SEC13: variants seen among roughly 807,000 people sequenced by gnomAD.
The protein encoded by SEC13 is protein SEC13 homolog.
A neutral mutation model predicts 49.2 loss-of-function variants in SEC13; 25 were observed. The observed-to-expected ratio is 0.51, with a 90% CI of 0.37 to 0.71. SEC13 has a LOEUF of 0.71. SEC13 is among the 30% of genes least tolerant of loss of function. The probability of loss-of-function intolerance (pLI) is 0.00; values close to 1 mark genes in which losing one functional copy is unlikely to be tolerated. For synonymous variants in SEC13, 148 were observed against 163.9 expected (o/e 0.90, Z 0.74); for missense variants, 383 against 417.6 (o/e 0.92, Z 0.72).
chr3:10,303,350 G>A (rs1305429948), intron 8 of SEC13, among the ~76,000 whole-genome samples: 2 of 152,364 alleles, frequency 1.3e-5, no homozygotes, highest in East Asian at 1.9e-4. Context: ...CTGTCTTATA[G>A]GGGAATTCAG....
rs757952125 is a variant in SEC13, at chr3:10,315,323, C to G, written c.162G>C (p.Arg54Ser). The G allele has an allele frequency of 1.9e-6, 3 of 1,612,148 alleles. No individual in the cohort carries two copies. The highest frequency in any genetic ancestry group is 2.5e-6 in the Non-Finnish European group (3 of 1,178,334). Residue 54 changes from arginine (R) to serine (S), a missense_variant and splice_region_variant, in exon 3 of 9, where the codon AGG becomes AGC. Arg to Ser is a moderately radical substitution (Grantham distance 110). Transcript: ENST00000350697. ...NGGQILIADL[R>S]GHEGPVWQVA... The stretch of plus-strand genomic sequence containing the variant: ...TCCCTGGGCTCGCCAGCACTTACCC[C>G]CTGAGGTCGGCGATAAGGATCTGCC...
chr3:10,311,048 C>A (rs901568512), intron 5 of SEC13, among the ~76,000 whole-genome samples: 2 of 151,926 alleles, frequency 1.3e-5, no homozygotes, highest in African/African-American at 4.8e-5. Context: ...AAAAACAACT[C>A]CCAGCGGGGG....
chr3:10,316,070 C>A (rs1324883388), intron 2 of SEC13, among the ~76,000 whole-genome samples: 1 of 152,208 alleles, frequency 6.6e-6, no homozygotes, highest in Non-Finnish European at 1.5e-5. Context: ...ACCCAAGGAA[C>A]ACAATGCCTT....
intron 3 of SEC13, chr3:10,313,017 A>G: frequency 2.6e-6 from 1 of 386,996 alleles, no homozygotes; most frequent in Non-Finnish European, 4.8e-6. Context: ...CCCAGACTGC[A>G]GCCAGCACTG....
chr3:10,313,011 G>C (rs187082828), intron 3 of SEC13: 81 of 396,646 alleles, frequency 2.0e-4, no homozygotes, highest in African/African-American at 1.6e-3. Flanking sequence ...CACTTGCCCA[G>C]ACTGCAGCCA....
At chr3:10,320,604 C>CT in intron 1 of SEC13, 6 of 994,882 alleles carry the variant, frequency 6.0e-6, no homozygotes, top group Non-Finnish European at 7.2e-6. Flanking sequence ...AATCTCGGCT[C>CT]TACTACCACT....
intron 1 of SEC13, among the ~76,000 whole-genome samples, chr3:10,319,795 A>AGAG (rs1309904220): frequency 7.7e-3 from 18 of 2,336 alleles, no homozygotes; most frequent in Non-Finnish European, 9.2e-3. Context: ...AGAGAGAGAG[A>AGAG]AGGCGGGGGG....
intron 1 of SEC13, among the ~76,000 whole-genome samples, chr3:10,318,847 T>C (rs2059710996): frequency 6.6e-6 from 1 of 152,228 alleles, no homozygotes; most frequent in Non-Finnish European, 1.5e-5. Flanking sequence ...GGCTGGACTC[T>C]CTTGCATATC....
intron 2 of SEC13, among the ~76,000 whole-genome samples, chr3:10,316,591 C>T (rs1422701363): frequency 6.6e-6 from 1 of 152,138 alleles, no homozygotes; most frequent in African/African-American, 2.4e-5. Flanking sequence ...TTTGAAAACA[C>T]TTCATCTCCT....
intron 7 of SEC13, among the ~76,000 whole-genome samples, chr3:10,304,681 T>TAG (rs762093307): frequency 2.0e-5 from 3 of 152,168 alleles, no homozygotes; most frequent in Non-Finnish European, 4.4e-5. Flanking sequence ...GGTGGCTTGG[T>TAG]AGCTAAGCGT....
intron 5 of SEC13, among the ~76,000 whole-genome samples, chr3:10,308,879 C>G (rs1701064198): frequency 6.8e-6 from 1 of 148,024 alleles, no homozygotes; most frequent in Admixed American, 6.7e-5. Flanking sequence ...CAGGAGTTCA[C>G]CTCGATCTCC....
At chr3:10,311,615 A>C in intron 5 of SEC13, 1 of 1,086,650 alleles carries the variant, frequency 9.2e-7, no homozygotes, top group East Asian at 7.2e-5. Flanking sequence ...TAGCTCACAT[A>C]CTTTTTAAAA....
chr3:10,306,599 C>A (rs1010868945), intron 5 of SEC13, among the ~76,000 whole-genome samples: 15 of 152,112 alleles, frequency 9.9e-5, no homozygotes, highest in African/African-American at 3.6e-4. Context: ...GGATAGAGGT[C>A]TGATATGGTT....
chr3:10,303,663 T>G, intron 8 of SEC13: 1 of 304,994 alleles, frequency 3.3e-6, no homozygotes, highest in East Asian at 7.8e-5. Context: ...CCAATCTTCT[T>G]CTGTTTATGG....
chr3:10,310,495 A>G lies in SEC13; in HGVS notation c.450+1470T>C, dbSNP rs1227578805. On this transcript the variant is annotated intron_variant, in intron 5 of 8. Coordinates refer to ENST00000350697, the MANE Select transcript of SEC13 (RefSeq NM_183352.3). ...GACAGAGCAAGCCTCCGTCTCAAAA[A>G]AACAGAACAAAACAAACCCAAAAAA... Among the ~76,000 whole-genome samples the G allele has an allele frequency of 3.3e-5, 5 of 152,318 alleles. No homozygotes were observed. The East Asian group carries it at 7.7e-4, about 24-fold the overall frequency.
At chr3:10,303,862 G>T in intron 8 of SEC13, 164 bp downstream of exon 8, 1 of 709,708 alleles carries the variant, frequency 1.4e-6, no homozygotes, top group Non-Finnish European at 2.5e-6. Context: ...CTACCTCAGG[G>T]GCTGTGACAT....
intron 1 of SEC13, chr3:10,319,265 C>A (rs909687499): frequency 6.2e-7 from 1 of 1,609,436 alleles, no homozygotes; most frequent in Non-Finnish European, 8.5e-7. Context: ...ACCAAGTAAG[C>A]ACAGGTTCTC....
chr3:10,314,471 G>A (rs1559499350), intron 3 of SEC13, among the ~76,000 whole-genome samples: 1 of 152,212 alleles, frequency 6.6e-6, no homozygotes, highest in Non-Finnish European at 1.5e-5. Flanking sequence ...AATTCTACTG[G>A]TGACAAAGTG....
chr3:10,306,965 G>GA (rs1295229988), intron 5 of SEC13, among the ~76,000 whole-genome samples: 2 of 152,134 alleles, frequency 1.3e-5, no homozygotes, highest in African/African-American at 4.8e-5. Context: ...GGTCAAAAAG[G>GA]AAAGGCTGGA....
Sources: allele counts gnomAD v4.1 joint callset (sites outside exome capture counted in the v4.1 genomes callset), GRCh38; gene constraint gnomAD v4.1.1; transcripts MANE v1.5; gene names NCBI Gene and HGNC (gene_info 2026-07-23, HGNC 2026-07-21).